The following ARHGAP39 variants were observed in gnomAD, a reference collection of about 807,000 sequenced individuals.
ARHGAP39 encodes rho GTPase-activating protein 39.
ARHGAP39 carries 44 observed loss-of-function variants against 106.9 expected under a neutral mutation model. The observed-to-expected ratio is 0.41, with a 90% CI of 0.32 to 0.53. The LOEUF (loss-of-function observed/expected upper bound fraction) is 0.53, where lower values mean the gene tolerates loss of function less well. ARHGAP39 is among the 20% of genes least tolerant of loss of function. The pLI, the probability that ARHGAP39 is intolerant of heterozygous loss-of-function variation, is 0.21. For missense variants in ARHGAP39, 1,496 were observed against 1,577.3 expected, an observed-to-expected ratio of 0.95 and a Z score of 0.87; for synonymous variants, 768 against 693.2, an observed-to-expected ratio of 1.11 and a Z score of -1.69.
chr8:144,565,062 A>G (rs1035282379), intron 3 of ARHGAP39, among the ~76,000 whole-genome samples: 5 of 151,680 alleles, frequency 3.3e-5, no homozygotes, highest in Admixed American at 3.3e-4. Context: ...GTGAGCCGAG[A>G]TTGCGCCATT....
At chr8:144,560,550 C>T (rs773028614) in intron 3 of ARHGAP39, among the ~76,000 whole-genome samples, 50 of 152,168 alleles carry the variant, frequency 3.3e-4, no homozygotes, top group Admixed American at 1.0e-3. Context: ...TGGAATATGC[C>T]GAGATGGAAA....
rs1820876422 is a variant in ARHGAP39 at position 144,624,091 on chromosome 8, AC to A, written c.-81-18397del. Among the ~76,000 whole-genome samples the A allele has an allele frequency of 4.6e-5, 7 of 152,320 alleles. No homozygotes were observed. In the South Asian group the frequency reaches 1.2e-3, roughly 27 times the overall value. On this transcript the variant is annotated intron_variant, in intron 1 of 11. Transcript: ENST00000377307. Reference sequence around the variant, plus strand: ...CAGAAAGAGCCCAGACCTCACCAGCACGCAGGCCTCCCGAAGAGAAGCTTCC... The same window carrying A: ...CAGAAAGAGCCCAGACCTCACCAGCAGCAGGCCTCCCGAAGAGAAGCTTCC...
At chr8:144,570,971 G>C (rs1400539475) in intron 3 of ARHGAP39, among the ~76,000 whole-genome samples, 1 of 152,168 alleles carries the variant, frequency 6.6e-6, no homozygotes, top group African/African-American at 2.4e-5. Flanking sequence ...AACAGGCTCT[G>C]AAATTAAGGC....
intron 1 of ARHGAP39, among the ~76,000 whole-genome samples, chr8:144,666,790 G>A (rs779615946): frequency 3.3e-5 from 5 of 152,126 alleles, no homozygotes; most frequent in East Asian, 1.9e-4. Flanking sequence ...GGCTAAAGGC[G>A]ATCAGTGCTG....
chr8:144,587,562 C>G (rs1819226966), intron 2 of ARHGAP39, among the ~76,000 whole-genome samples: 1 of 152,052 alleles, frequency 6.6e-6, no homozygotes, highest in African/African-American at 2.4e-5. Flanking sequence ...CAAAGCCCGG[C>G]AGCATGGGAC....
At chr8:144,681,658 A>T (rs1241886871) in intron 1 of ARHGAP39, among the ~76,000 whole-genome samples, 1 of 152,250 alleles carries the variant, frequency 6.6e-6, no homozygotes, top group Non-Finnish European at 1.5e-5. Flanking sequence ...TCCATGTAGC[A>T]TGTAGCTTCC....
intron 2 of ARHGAP39, among the ~76,000 whole-genome samples, chr8:144,587,816 G>A (rs1461912072): frequency 6.6e-6 from 1 of 152,168 alleles, no homozygotes; most frequent in Non-Finnish European, 1.5e-5. Context: ...CACCACGCCT[G>A]GCTAACTCTT....
chr8:144,563,776 G>A (rs982068626), intron 3 of ARHGAP39, among the ~76,000 whole-genome samples: 3 of 151,464 alleles, frequency 2.0e-5, no homozygotes, highest in Admixed American at 1.3e-4. Flanking sequence ...GGGTAACAGC[G>A]AGACCTTGTA....
chr8:144,637,406 T>C (rs1821198086), intron 1 of ARHGAP39, among the ~76,000 whole-genome samples: 1 of 152,124 alleles, frequency 6.6e-6, no homozygotes, highest in Non-Finnish European at 1.5e-5. Context: ...GGTCAAGAGA[T>C]TGAGATTATC....
At chr8:144,682,931 G>A (rs770960504) in intron 1 of ARHGAP39, among the ~76,000 whole-genome samples, 13 of 151,924 alleles carry the variant, frequency 8.6e-5, no homozygotes, top group Non-Finnish European at 1.6e-4. Flanking sequence ...GTGGGAGGAT[G>A]CCTTGAGCAC....
At chr8:144,651,254 G>T (rs889778243) in intron 1 of ARHGAP39, among the ~76,000 whole-genome samples, 18 of 152,066 alleles carry the variant, frequency 1.2e-4, no homozygotes, top group African/African-American at 4.3e-4. Flanking sequence ...AGAAATCAGA[G>T]AAAACACAAA....
Position 144,545,281 on chromosome 8 carries a change from T to C in ARHGAP39, c.2489A>G (p.Tyr830Cys), listed in dbSNP as rs1817361723. ...KFHSYLEGYI[Y>C]RHMDPVNDTK... Reference sequence around the variant, plus strand: ...GTCATTGACGGGGTCCATGTGCCGGTAGATGTAGCCTTCCAGGTAGGAGTG... The same window carrying C: ...GTCATTGACGGGGTCCATGTGCCGGCAGATGTAGCCTTCCAGGTAGGAGTG... The change falls in exon 6 of 12, where the codon TAC becomes TGC. Residue 830 changes from tyrosine to cysteine, a missense_variant. Physicochemically the swap from Tyr to Cys is radical, Grantham distance 194 (BLOSUM62 -2). This residue lies in a region of ARHGAP39 where 470 missense variants were observed against 605.1 expected (regional missense o/e 0.78). Coordinates refer to ENST00000377307, the MANE Select transcript of ARHGAP39 (RefSeq NM_025251.3). The C allele has an allele frequency of 1.3e-6, 2 of 1,559,408 alleles. No individual in the cohort carries two copies. The highest frequency in any genetic ancestry group is 1.7e-6 in the Non-Finnish European group (2 of 1,147,058).
At chr8:144,631,733 A>G (rs942993347) in intron 1 of ARHGAP39, among the ~76,000 whole-genome samples, 1 of 152,216 alleles carries the variant, frequency 6.6e-6, no homozygotes, top group Non-Finnish European at 1.5e-5. Flanking sequence ...GCAGAGGGAA[A>G]GGCCTGGCCG....
intron 1 of ARHGAP39, among the ~76,000 whole-genome samples, chr8:144,666,713 A>G (rs1221346554): frequency 6.6e-6 from 1 of 152,206 alleles, no homozygotes; most frequent in East Asian, 1.9e-4. Context: ...AAGTCCAATT[A>G]AACTTCTTTT....
chr8:144,557,533 T>C lies in ARHGAP39; in HGVS notation c.513-1890A>G, dbSNP rs575049914. Among the ~76,000 whole-genome samples the C allele has an allele frequency of 5.8e-4, 85 of 145,562 alleles. 1 individual carries two copies. The highest frequency in any genetic ancestry group is 1.4e-3 in the African/African-American group (54 of 39,110). ...TCAGCGGCAAAAGGCTGAACCTTCATCGTATTCAGAGGCAAAGGCTGAACC... is the reference window on the plus strand; with the variant it reads ...TCAGCGGCAAAAGGCTGAACCTTCACCGTATTCAGAGGCAAAGGCTGAACC... On this transcript the variant is annotated intron_variant, in intron 3 of 11. Transcript: ENST00000377307.
chr8:144,639,622 A>T (rs916593369), intron 1 of ARHGAP39, among the ~76,000 whole-genome samples: 1 of 152,060 alleles, frequency 6.6e-6, no homozygotes, highest in Admixed American at 6.5e-5. Flanking sequence ...TTACATCAAG[A>T]AACAAAACCA....
intron 6 of ARHGAP39, among the ~76,000 whole-genome samples, chr8:144,542,534 C>T (rs1433675771): frequency 1.3e-5 from 2 of 152,216 alleles, no homozygotes; most frequent in Non-Finnish European, 2.9e-5. Flanking sequence ...ACAGTACAGG[C>T]TATATCCGAC....
intron 1 of ARHGAP39, among the ~76,000 whole-genome samples, chr8:144,614,542 G>A (rs979208081): frequency 6.6e-6 from 1 of 152,064 alleles, no homozygotes; most frequent in African/African-American, 2.4e-5. Flanking sequence ...CAGTAGAGAT[G>A]GGGTTTAACC....
chr8:144,532,485 C>T, intron 9 of ARHGAP39, 89 bp from the exon 10 acceptor site: 3 of 1,248,740 alleles, frequency 2.4e-6, no homozygotes, highest in Non-Finnish European at 2.3e-6. Context: ...TAGGCCCCTG[C>T]TGACCCGGGG....
Sources: gnomAD v4.1 joint callset for allele counts (sites outside exome capture counted in the v4.1 genomes callset) on GRCh38, gnomAD v4.1.1 for gene constraint, gnomAD v4.1.1 regional missense constraint, MANE v1.5 for transcripts, NCBI Gene and HGNC (gene_info 2026-07-23, HGNC 2026-07-21) for gene names.